BABAM2: variants seen among roughly 807,000 people sequenced by gnomAD.
BABAM2 encodes BRISC and BRCA1 A complex member 2, also known as BRISC and BRCA1-A complex member 2.
A neutral mutation model predicts 54.7 loss-of-function variants in BABAM2; 31 were observed. That is an observed-to-expected ratio of 0.57 (90% CI 0.43 to 0.77). BABAM2 has a LOEUF of 0.77. Ranked by LOEUF, BABAM2 falls within the 30% of genes least tolerant of loss-of-function variation. The pLI is 0.00. For missense variants in BABAM2, 364 were observed against 455.8 expected, an observed-to-expected ratio of 0.80 and a Z score of 1.83; for synonymous variants, 167 against 162.9, an observed-to-expected ratio of 1.03 and a Z score of -0.19.
chr2:28,251,088 T>C (rs1361039683), intron 10 of BABAM2, among the ~76,000 whole-genome samples: 1 of 152,228 alleles, frequency 6.6e-6, no homozygotes, highest in African/African-American at 2.4e-5. Context: ...TTTTTCTTTA[T>C]TTTAAATGAC....
intron 7 of BABAM2, among the ~76,000 whole-genome samples, chr2:28,196,337 G>A (rs1008999240): frequency 2.1e-5 from 3 of 142,852 alleles, no homozygotes; most frequent in Non-Finnish European, 4.8e-5. Flanking sequence ...AAAAAAAAAT[G>A]AATTTTTTAC....
At chr2:28,111,202 C>G (rs993380619) in intron 6 of BABAM2, among the ~76,000 whole-genome samples, 1 of 149,294 alleles carries the variant, frequency 6.7e-6, no homozygotes, top group Non-Finnish European at 1.5e-5. Context: ...AGGCTGGTCT[C>G]GAACCCCTGA....
intron 7 of BABAM2, among the ~76,000 whole-genome samples, chr2:28,161,035 C>T (rs1465252548): frequency 1.3e-5 from 2 of 152,074 alleles, no homozygotes; most frequent in Non-Finnish European, 2.9e-5. Flanking sequence ...CATGATGGTC[C>T]CAAGTTTCCC....
At chr2:28,315,865 A>G (rs937291820) in intron 11 of BABAM2, among the ~76,000 whole-genome samples, 1 of 152,118 alleles carries the variant, frequency 6.6e-6, no homozygotes, top group African/African-American at 2.4e-5. Context: ...AAATCATAAT[A>G]GATCCTTCTT....
rs541886735 is a variant in BABAM2, at chr2:28,135,543, C to G, written c.680+6163C>G. ...TTTCTAATCTCAGCATTTCTCCCTGCTTACAGATCTGCTTCTCTAACCACT... is the reference window on the plus strand; with the variant it reads ...TTTCTAATCTCAGCATTTCTCCCTGGTTACAGATCTGCTTCTCTAACCACT... On this transcript the variant is annotated intron_variant, in intron 7 of 11. Transcript: ENST00000379624. 2.6e-5 allele frequency among the ~76,000 whole-genome samples: 4 copies of G among 152,242 alleles called. No homozygotes were observed. In the South Asian group the frequency reaches 8.3e-4, roughly 32 times the overall value.
chr2:28,167,700 ATAAAT>A (rs1411869695), intron 7 of BABAM2, among the ~76,000 whole-genome samples: 2 of 38,370 alleles, frequency 5.2e-5, no homozygotes, highest in African/African-American at 2.9e-4. Flanking sequence ...TCTCAAAAAA[ATAAAT>A]AAATAAATAA....
At chr2:28,009,041 A>G (rs1401599644) in intron 4 of BABAM2, among the ~76,000 whole-genome samples, 1 of 152,168 alleles carries the variant, frequency 6.6e-6, no homozygotes. Context: ...CGTTTAGTCA[A>G]TGGATTGTAT....
intron 7 of BABAM2, among the ~76,000 whole-genome samples, chr2:28,166,429 G>A (rs1030369104): frequency 4.6e-5 from 7 of 152,180 alleles, no homozygotes; most frequent in African/African-American, 1.7e-4. Flanking sequence ...CCACAGGAAG[G>A]ACACATTTTG....
chr2:28,075,408 G>T (rs1424490962), intron 6 of BABAM2, among the ~76,000 whole-genome samples: 5 of 152,084 alleles, frequency 3.3e-5, no homozygotes. Context: ...GTAAACAGTG[G>T]CTCCCAATAC....
At chr2:28,309,975 T>C (rs1051221966) in intron 11 of BABAM2, 46 of 1,233,916 alleles carry the variant, frequency 3.7e-5, no homozygotes, top group Admixed American at 2.3e-4. Context: ...GGTTTAGAAG[T>C]AGAGCTGTGA....
At chr2:28,156,245 G>T (rs892243177) in intron 7 of BABAM2, among the ~76,000 whole-genome samples, 6 of 152,126 alleles carry the variant, frequency 3.9e-5, no homozygotes, top group African/African-American at 1.4e-4. Flanking sequence ...CCTCTCTGAA[G>T]CATTTCTTAG....
chr2:28,335,332 G>T (rs1200397589), intron 11 of BABAM2, among the ~76,000 whole-genome samples: 1 of 151,912 alleles, frequency 6.6e-6, no homozygotes, highest in Non-Finnish European at 1.5e-5. Context: ...ACCACACCCG[G>T]CTAATTTTTA....
intron 7 of BABAM2, among the ~76,000 whole-genome samples, chr2:28,234,836 G>A (rs1430274143): frequency 6.6e-6 from 1 of 152,218 alleles, no homozygotes; most frequent in Non-Finnish European, 1.5e-5. Context: ...TACACAAAGA[G>A]GAGACAAAAA....
At chr2:28,086,328 C>T (rs924009645) in intron 6 of BABAM2, among the ~76,000 whole-genome samples, 10 of 152,076 alleles carry the variant, frequency 6.6e-5, no homozygotes, top group Non-Finnish European at 1.2e-4. Flanking sequence ...TCTTTGAGTT[C>T]GTAGAACAGT....
chr2:28,263,148 GAAGAA>G (rs1684683357), intron 10 of BABAM2, among the ~76,000 whole-genome samples: 1 of 86,250 alleles, frequency 1.2e-5, no homozygotes, highest in Admixed American at 1.0e-4. Flanking sequence ...AAAAAAAAAA[GAAGAA>G]AAGAAAGGAA....
At position 27,995,578 on chromosome 2, in the gene BABAM2, TTTTG is replaced by T. The variant is rs1414347604; in HGVS notation, c.300+7503_300+7506del. ...ATTAAACCCATCCTCATGAGTTCTT[TTTTG>T]TTTGTTTGTTTTTCTTAGATGGAGT... On this transcript the variant is annotated intron_variant, in intron 4 of 11. Transcript: ENST00000379624. This position sits in a 1 kb window ranked among gnomAD's most constrained non-coding sequence, Gnocchi z 4.1. Among the ~76,000 whole-genome samples the T allele has an allele frequency of 6.6e-6, 1 of 151,938 alleles. No individual in the cohort carries two copies. The highest frequency in any genetic ancestry group is 1.5e-5 in the Non-Finnish European group (1 of 67,942).
Position 28,161,654 on chromosome 2 carries a change from T to C in BABAM2, c.680+32274T>C, listed in dbSNP as rs557949789. Among the ~76,000 whole-genome samples, 274 of 152,306 alleles carry C rather than the reference T, an allele frequency of 1.8e-3. 4 individuals carry two copies. The highest frequency in any genetic ancestry group is 3.4e-3 in the Middle Eastern group (1 of 294). On this transcript the variant is annotated intron_variant, in intron 7 of 11. Transcript: ENST00000379624. The stretch of plus-strand genomic sequence containing the variant: ...TACCCTGAAACCCCTTGGGCAATGC[T>C]GAGGCCCTGCATTCCTAATACAAAA...
intron 4 of BABAM2, among the ~76,000 whole-genome samples, chr2:28,007,426 A>G (rs113063169): frequency 4.3e-4 from 65 of 152,220 alleles, no homozygotes; most frequent in African/African-American, 1.1e-3. Flanking sequence ...ATCAAAATTT[A>G]CCAAGAGGAA....
At chr2:28,197,048 T>C (rs1465145125) in intron 7 of BABAM2, among the ~76,000 whole-genome samples, 1 of 151,740 alleles carries the variant, frequency 6.6e-6, no homozygotes, top group Non-Finnish European at 1.5e-5. Context: ...GATCTCGCTA[T>C]GTGTGTATGC....
Sources: gnomAD v4.1 joint callset for allele counts (sites outside exome capture counted in the v4.1 genomes callset) on GRCh38, gnomAD v4.1.1 for gene constraint, Gnocchi (gnomAD v3.1) non-coding constraint, MANE v1.5 for transcripts, NCBI Gene and HGNC (gene_info 2026-07-23, HGNC 2026-07-21) for gene names.